The following AJAP1 variants were observed in gnomAD, a reference collection of about 807,000 sequenced individuals.
The protein encoded by AJAP1 is adherens junction-associated protein 1.
AJAP1 carries 5 observed loss-of-function variants against 35.0 expected under a neutral mutation model. The observed-to-expected ratio is 0.14, with a 90% CI of 0.07 to 0.30. The LOEUF (loss-of-function observed/expected upper bound fraction) is 0.30. Ranked by LOEUF, AJAP1 falls within the 10% of genes least tolerant of loss-of-function variation. The pLI is 1.00. For missense variants in AJAP1, 586 were observed against 571.0 expected (o/e 1.03, Z -0.27); for synonymous variants, 284 against 249.3 (o/e 1.14, Z -1.31).
chr1:4,758,720 A>T (rs1641495714), intron 2 of AJAP1, among the ~76,000 whole-genome samples: 2 of 152,196 alleles, frequency 1.3e-5, no homozygotes, highest in African/African-American at 4.8e-5. Flanking sequence ...CTATGGGCAT[A>T]GCATGGAGAC....
intron 1 of AJAP1, among the ~76,000 whole-genome samples, chr1:4,703,166 A>G (rs895115039): frequency 2.6e-5 from 4 of 152,210 alleles, no homozygotes; most frequent in African/African-American, 9.7e-5. Context: ...TGGCTCTGAC[A>G]GGACATTACA....
At chr1:4,676,346 C>G (rs767273586) in intron 1 of AJAP1, among the ~76,000 whole-genome samples, 3 of 152,186 alleles carry the variant, frequency 2.0e-5, no homozygotes, top group Non-Finnish European at 2.9e-5. Context: ...AGAATCCAAA[C>G]TTTGGCAAAG....
chr1:4,753,607 T>C (rs1285929400), intron 2 of AJAP1, among the ~76,000 whole-genome samples: 3 of 152,202 alleles, frequency 2.0e-5, no homozygotes, highest in Non-Finnish European at 4.4e-5. Flanking sequence ...AGTTTCGTTC[T>C]TGTCACCCGG....
At position 4,783,571 on chromosome 1, in the gene AJAP1, GTA is replaced by G. The variant is rs1338906301; in HGVS notation, c.*1095_*1096del. The G allele has an allele frequency of 7.0e-6, 1 of 141,900 alleles. No individual in the cohort carries two copies. The highest frequency in any genetic ancestry group is 2.6e-5 in the African/African-American group (1 of 38,276). 8.8% of individuals were successfully genotyped at this position (141,900 alleles called of 1,614,324 possible). A position where few individuals can be genotyped will look rare whatever the true frequency, so the allele number is the denominator to read the frequency against. ...TTTGTGTGTGTATATATATGTTTGT[GTA>G]TATATATACACATATGCATACATAT... On this transcript the variant is annotated 3_prime_UTR_variant, in exon 6 of 6. Coordinates refer to ENST00000378191, the MANE Select transcript of AJAP1 (RefSeq NM_018836.4).
intron 1 of AJAP1, among the ~76,000 whole-genome samples, chr1:4,685,770 T>G (rs1639590936): frequency 6.6e-6 from 1 of 152,200 alleles, no homozygotes; most frequent in Admixed American, 6.5e-5. Flanking sequence ...TTCTCACCAC[T>G]TCTTAGACAT....
At position 4,654,773 on chromosome 1, in the gene AJAP1, C is replaced by G. The variant is rs938879240; in HGVS notation, c.-653C>G. On this transcript the variant is annotated 5_prime_UTR_variant, in exon 1 of 6. Coordinates refer to ENST00000378191, the MANE Select transcript of AJAP1 (RefSeq NM_018836.4). The surrounding 1 kb of genome is among the most constrained non-coding windows in gnomAD (Gnocchi z 5.1). ...CGGCGCCCTCGCCCCGCGCGCCTCT[C>G]GTGCCCGCCTCCTGCCAGTCTCCGG... The G allele has an allele frequency of 3.3e-5, 5 of 149,782 alleles. No homozygotes were observed. Among genetic ancestry groups the G allele is most frequent in the African/African-American group, 1.2e-4 (5 of 41,256 alleles). 9.3% of individuals were successfully genotyped at this position (149,782 alleles called of 1,614,324 possible).
rs184192893 is a variant in AJAP1 at position 4,691,511 on chromosome 1, C to T, written c.30-20389C>T. Among the ~76,000 whole-genome samples, 10 of 152,308 alleles carry T rather than the reference C, an allele frequency of 6.6e-5. No individual in the cohort carries two copies. In the East Asian group the frequency reaches 1.5e-3, roughly 24 times the overall value. ...TGGGGCTCGGGAATTGTGCTAGGCCCGGGAGTGGCTCCAGAGAGGAGCTTG... is the reference window on the plus strand; with the variant it reads ...TGGGGCTCGGGAATTGTGCTAGGCCTGGGAGTGGCTCCAGAGAGGAGCTTG... On this transcript the variant is annotated intron_variant, in intron 1 of 5. Coordinates refer to ENST00000378191, the MANE Select transcript of AJAP1 (RefSeq NM_018836.4).
chr1:4,690,626 C>T (rs1037997235), intron 1 of AJAP1, among the ~76,000 whole-genome samples: 2 of 152,320 alleles, frequency 1.3e-5, no homozygotes, highest in South Asian at 4.1e-4. Flanking sequence ...TGGATCCAGA[C>T]AGACCTTATT....
At chr1:4,728,605 C>A (rs1424207186) in intron 2 of AJAP1, among the ~76,000 whole-genome samples, 1 of 152,208 alleles carries the variant, frequency 6.6e-6, no homozygotes, top group African/African-American at 2.4e-5. Context: ...GTGGGAGCAG[C>A]TCCTGAATAA....
intron 2 of AJAP1, among the ~76,000 whole-genome samples, chr1:4,752,277 A>G (rs1360358747): frequency 6.6e-6 from 1 of 151,884 alleles, no homozygotes; most frequent in Non-Finnish European, 1.5e-5. Flanking sequence ...AAGGAAAGAA[A>G]CAGTTGTTTG....
At chr1:4,713,193 A>G (rs1246120008) in intron 2 of AJAP1, among the ~76,000 whole-genome samples, 3 of 152,230 alleles carry the variant, frequency 2.0e-5, no homozygotes, top group African/African-American at 7.2e-5. Context: ...GTGCCTGCCA[A>G]CTTGACCTCG....
chr1:4,659,739 G>A (rs1443716238), intron 1 of AJAP1, among the ~76,000 whole-genome samples: 1 of 152,198 alleles, frequency 6.6e-6, no homozygotes, highest in Non-Finnish European at 1.5e-5. Context: ...TAGGAGATGG[G>A]ACTTGACTCT....
chr1:4,740,597 A>G (rs1225206089), intron 2 of AJAP1, among the ~76,000 whole-genome samples: 2 of 151,786 alleles, frequency 1.3e-5, no homozygotes, highest in East Asian at 3.9e-4. Flanking sequence ...CATCCTGGCT[A>G]ACATGGTGAA....
At chr1:4,677,088 C>T (rs918201096) in intron 1 of AJAP1, among the ~76,000 whole-genome samples, 10 of 152,174 alleles carry the variant, frequency 6.6e-5, no homozygotes, top group South Asian at 2.1e-4. Context: ...ACCTGGGAGG[C>T]GGAGGTTGCG....
intron 2 of AJAP1, among the ~76,000 whole-genome samples, chr1:4,755,050 C>T (rs1471030608): frequency 6.6e-6 from 1 of 152,198 alleles, no homozygotes; most frequent in African/African-American, 2.4e-5. Context: ...GGATTCTCAC[C>T]ATGTGCCCTC....
rs754988336 is a variant in AJAP1, at chr1:4,706,921, A to G, written c.30-4979A>G. 2.6e-5 allele frequency among the ~76,000 whole-genome samples: 4 copies of G among 152,210 alleles called. No individual in the cohort carries two copies. In the South Asian group the frequency reaches 8.3e-4, roughly 32 times the overall value. On this transcript the variant is annotated intron_variant, in intron 1 of 5. Transcript: ENST00000378191. ...AAGTGAGACGGAGCAGTTGTTCCCCATTTGGAAGCAGCTGGGGAGCAGGGG... is the reference window on the plus strand; with the variant it reads ...AAGTGAGACGGAGCAGTTGTTCCCCGTTTGGAAGCAGCTGGGGAGCAGGGG...
chr1:4,662,971 G>T (rs1178575483), intron 1 of AJAP1, among the ~76,000 whole-genome samples: 4 of 152,090 alleles, frequency 2.6e-5, no homozygotes, highest in African/African-American at 9.7e-5. Context: ...CCCAAACTGT[G>T]CCTACTCCCC....
chr1:4,784,316 C>T lies in AJAP1; in HGVS notation c.*1831C>T, dbSNP rs9426506. ...GCCTCCTTAAAGGATGTTTCCTGTC[C>T]ATGGGAGACGCCTAACATGGTGTGG... On this transcript the variant is annotated 3_prime_UTR_variant, in exon 6 of 6. Coordinates refer to ENST00000378191, the MANE Select transcript of AJAP1 (RefSeq NM_018836.4). 0.31 allele frequency: 46,503 copies of T among 152,220 alleles called. 7,685 individuals are homozygous for T. Among genetic ancestry groups the T allele is most frequent in the Middle Eastern group, 0.53 (156 of 294 alleles). The allele number at this position is 152,220 out of a possible 1,614,324, so 9.4% of individuals were successfully genotyped here. A position where few individuals can be genotyped will look rare whatever the true frequency, so the allele number is the denominator to read the frequency against.
At chr1:4,678,243 C>T (rs1639403273) in intron 1 of AJAP1, among the ~76,000 whole-genome samples, 1 of 152,204 alleles carries the variant, frequency 6.6e-6, no homozygotes, top group African/African-American at 2.4e-5. Flanking sequence ...TAGAAATGAG[C>T]ACTTGAAATT....
Sources: gnomAD v4.1 joint callset for allele counts (sites outside exome capture counted in the v4.1 genomes callset) on GRCh38, gnomAD v4.1.1 for gene constraint, Gnocchi (gnomAD v3.1) non-coding constraint, MANE v1.5 for transcripts, NCBI Gene and HGNC (gene_info 2026-07-23, HGNC 2026-07-21) for gene names.